GRHL2: variants seen among roughly 807,000 people sequenced by gnomAD.
GRHL2 encodes grainyhead like transcription factor 2, also known as grainyhead-like protein 2 homolog.
GRHL2 carries 21 observed loss-of-function variants against 83.8 expected under a neutral mutation model. That is an observed-to-expected ratio of 0.25 (90% CI 0.18 to 0.36). GRHL2 has a LOEUF of 0.36. Ranked by LOEUF, GRHL2 falls within the 10% of genes least tolerant of loss-of-function variation. GRHL2 has a pLI of 1.00. For synonymous variants in GRHL2, 280 were observed against 278.9 expected (o/e 1.00, Z -0.04); for missense variants, 623 against 781.8 (o/e 0.80, Z 2.42).
intron 1 of GRHL2, among the ~76,000 whole-genome samples, chr8:101,516,779 T>G (rs1357863812): frequency 6.6e-6 from 1 of 152,190 alleles, no homozygotes; most frequent in Non-Finnish European, 1.5e-5. Flanking sequence ...ATTTTACGTA[T>G]TATCTATTCA....
At chr8:101,652,374 ATGTGTGTGTGG>A (rs1397955193) in intron 14 of GRHL2, among the ~76,000 whole-genome samples, 2 of 92,368 alleles carry the variant, frequency 2.2e-5, no homozygotes, top group Non-Finnish European at 3.8e-5. Flanking sequence ...TGTGTGTCTG[ATGTGTGTGTGG>A]TGTGTGTGTG....
At chr8:101,640,388 A>G (rs879156242) in intron 12 of GRHL2, among the ~76,000 whole-genome samples, 2 of 152,178 alleles carry the variant, frequency 1.3e-5, no homozygotes, top group Admixed American at 1.3e-4. Flanking sequence ...TAATTGAGAA[A>G]TGGAAGAGAG....
At chr8:101,494,101 G>A (rs555997141) in intron 1 of GRHL2, among the ~76,000 whole-genome samples, 1 of 152,242 alleles carries the variant, frequency 6.6e-6, no homozygotes, top group Non-Finnish European at 1.5e-5. Context: ...GTGGCGTTGC[G>A]GCCACCCCGA....
intron 8 of GRHL2, among the ~76,000 whole-genome samples, chr8:101,605,215 G>A (rs1812609385): frequency 6.6e-6 from 1 of 152,148 alleles, no homozygotes; most frequent in South Asian, 2.1e-4. Flanking sequence ...CAATGGAGGT[G>A]GGGAAGGGAG....
At chr8:101,614,137 A>G (rs1812807813) in intron 8 of GRHL2, among the ~76,000 whole-genome samples, 2 of 151,090 alleles carry the variant, frequency 1.3e-5, no homozygotes, top group Non-Finnish European at 2.9e-5. Context: ...TACTGTATGC[A>G]TAATGTACAA....
intron 3 of GRHL2, among the ~76,000 whole-genome samples, chr8:101,557,513 C>T (rs896608030): frequency 1.2e-4 from 19 of 152,188 alleles, no homozygotes; most frequent in Middle Eastern, 3.4e-3. Flanking sequence ...CGTGAGTCAC[C>T]GCACCTGACA....
intron 12 of GRHL2, among the ~76,000 whole-genome samples, chr8:101,639,101 A>G (rs1240840828): frequency 6.6e-6 from 1 of 152,210 alleles, no homozygotes; most frequent in Non-Finnish European, 1.5e-5. Flanking sequence ...TCAGTTGTAA[A>G]TCTGTCTCAC....
chr8:101,603,811 T>C (rs945883035), intron 8 of GRHL2, among the ~76,000 whole-genome samples: 6 of 152,060 alleles, frequency 3.9e-5, no homozygotes, highest in Admixed American at 1.3e-4. Flanking sequence ...TCCCTGGGCT[T>C]CTGATATCTA....
intron 7 of GRHL2, among the ~76,000 whole-genome samples, chr8:101,585,789 G>T (rs936839940): frequency 6.6e-6 from 1 of 152,204 alleles, no homozygotes; most frequent in East Asian, 1.9e-4. Context: ...TTTAATATTT[G>T]TTTAGGCAGA....
chr8:101,608,776 C>CT (rs1418842705), intron 8 of GRHL2, among the ~76,000 whole-genome samples: 7 of 128,114 alleles, frequency 5.5e-5, no homozygotes, highest in African/African-American at 2.3e-4. Context: ...CACACACACA[C>CT]ACCTACACCT....
chr8:101,628,228 G>A (rs1197020732), intron 9 of GRHL2, among the ~76,000 whole-genome samples: 3 of 152,030 alleles, frequency 2.0e-5, no homozygotes, highest in Non-Finnish European at 4.4e-5. Context: ...CTCGTTAGGG[G>A]CTAATGCAGC....
At chr8:101,623,448 T>C (rs912515859) in intron 9 of GRHL2, among the ~76,000 whole-genome samples, 16 of 148,786 alleles carry the variant, frequency 1.1e-4, no homozygotes, top group Non-Finnish European at 2.2e-4. Flanking sequence ...CAGTACACAG[T>C]AGGGCAGTTT....
At chr8:101,624,073 T>C (rs1813024766) in intron 9 of GRHL2, among the ~76,000 whole-genome samples, 1 of 148,220 alleles carries the variant, frequency 6.7e-6, no homozygotes, top group Admixed American at 6.7e-5. Flanking sequence ...CAGTTCACAG[T>C]ACACAGTAGG....
At chr8:101,674,293 A>G (rs530375772), downstream of GRHL2, among the ~76,000 whole-genome samples, 34 of 152,180 alleles carry the variant, frequency 2.2e-4, no homozygotes, top group Non-Finnish European at 4.4e-4. Context: ...AAGATCAACA[A>G]TATCGATAGA....
chr8:101,492,846 A>G, intron 1 of GRHL2, 57 bp downstream of exon 1: 3 of 1,536,650 alleles, frequency 2.0e-6, no homozygotes, highest in African/African-American at 2.7e-5. Flanking sequence ...GCTGATGGCA[A>G]CTGGTTTGTT....
In GRHL2 at chr8:101,573,430, C is replaced by T. The variant is rs138728290; in HGVS notation, c.735-238C>T. Among the ~76,000 whole-genome samples, 42 of 152,120 alleles carry T rather than the reference C, an allele frequency of 2.8e-4. 1 individual carries two copies. Among genetic ancestry groups the T allele is most frequent in the Admixed American group, 6.5e-5 (1 of 15,276 alleles). On this transcript the variant is annotated intron_variant, in intron 5 of 15. Coordinates refer to ENST00000646743, the MANE Select transcript of GRHL2 (RefSeq NM_024915.4). ...TTTTTGCACAATTGGCCAGGCACAT[C>T]GTGGACTTTATCCCCTTCCAAACCA...
At position 101,577,448 on chromosome 8, in the gene GRHL2, A is replaced by G; in HGVS notation, c.932A>G (p.Asp311Gly). 6.2e-7 allele frequency: 1 copy of G among 1,614,086 alleles called. No individual in the cohort carries two copies. Among genetic ancestry groups the G allele is most frequent in the South Asian group, 1.1e-5 (1 of 91,066 alleles). ...MVVFSEDKNRDEQLKYWKYWH... is the reference protein window; with the variant it reads ...MVVFSEDKNRGEQLKYWKYWH... ...GTCTTCAGTGAAGACAAAAACAGAG[A>G]TGAACAGCTCAAATACTGGAAATAC... The change falls in exon 7 of 16, where the codon GAT (aspartate) becomes GGT (glycine). Residue 311 changes from aspartate (D) to glycine (G), a missense_variant. Physicochemically the swap from Asp to Gly is moderately conservative, Grantham distance 94. Transcript: ENST00000646743.
intron 6 of GRHL2, among the ~76,000 whole-genome samples, chr8:101,576,706 T>C (rs1030917219): frequency 1.3e-5 from 2 of 152,204 alleles, no homozygotes; most frequent in African/African-American, 4.8e-5. Context: ...TGAATTAATG[T>C]GTATTTAGTT....
At chr8:101,633,196 C>A (rs540350172) in intron 11 of GRHL2, among the ~76,000 whole-genome samples, 1 of 151,992 alleles carries the variant, frequency 6.6e-6, no homozygotes, top group East Asian at 1.9e-4. Flanking sequence ...AGTATTATTT[C>A]TGTTATGTGA....
Sources: gnomAD v4.1 joint callset for allele counts (sites outside exome capture counted in the v4.1 genomes callset) on GRCh38, gnomAD v4.1.1 for gene constraint, MANE v1.5 for transcripts, NCBI Gene and HGNC (gene_info 2026-07-23, HGNC 2026-07-21) for gene names.